The following MLLT3 variants were observed in gnomAD, a reference collection of about 807,000 sequenced individuals.
The protein encoded by MLLT3 is MLLT3 super elongation complex subunit.
In MLLT3, 4 loss-of-function variants were observed where a neutral mutation model predicts 53.2. That is an observed-to-expected ratio of 0.08 (90% CI 0.04 to 0.17). MLLT3 has a LOEUF of 0.17. Ranked by LOEUF, MLLT3 falls within the 10% of genes least tolerant of loss-of-function variation. MLLT3 has a pLI of 1.00. For missense variants in MLLT3, 569 were observed against 684.0 expected (o/e 0.83, Z 1.87); for synonymous variants, 283 against 230.6 (o/e 1.23, Z -2.06).
chr9:20,594,629 T>C (rs923389935), intron 2 of MLLT3, among the ~76,000 whole-genome samples: 4 of 152,040 alleles, frequency 2.6e-5, no homozygotes, highest in Non-Finnish European at 4.4e-5. Context: ...GCACAAGACA[T>C]AGGTCATAAA....
intron 2 of MLLT3, among the ~76,000 whole-genome samples, chr9:20,555,326 A>AT (rs199954637): frequency 0.011 from 1,692 of 151,272 alleles, 32 homozygotes; most frequent in African/African-American, 0.039. Flanking sequence ...ACTGAGTTCT[A>AT]TTTTTTTTTA....
At chr9:20,540,901 T>A (rs1349841643) in intron 2 of MLLT3, among the ~76,000 whole-genome samples, 1 of 152,252 alleles carries the variant, frequency 6.6e-6, no homozygotes, top group Non-Finnish European at 1.5e-5. Flanking sequence ...CTTTTAAACA[T>A]AAGTTCGAAT....
intron 2 of MLLT3, among the ~76,000 whole-genome samples, chr9:20,511,421 T>C (rs1825530462): frequency 1.3e-5 from 2 of 152,206 alleles, no homozygotes; most frequent in Admixed American, 6.5e-5. Flanking sequence ...ACCAAGAAAT[T>C]TTAAGTATAA....
At chr9:20,556,043 C>G (rs1273223089) in intron 2 of MLLT3, among the ~76,000 whole-genome samples, 3 of 151,788 alleles carry the variant, frequency 2.0e-5, no homozygotes, top group African/African-American at 7.3e-5. Context: ...CTGCATCTTA[C>G]ACAGAAAAGA....
At chr9:20,539,422 T>G (rs892975856) in intron 2 of MLLT3, among the ~76,000 whole-genome samples, 2 of 152,184 alleles carry the variant, frequency 1.3e-5, no homozygotes, top group Admixed American at 6.5e-5. Flanking sequence ...GAGGTTTAAT[T>G]GACTCACAGT....
chr9:20,372,216 G>C (rs1461897698), intron 5 of MLLT3, among the ~76,000 whole-genome samples: 4 of 152,148 alleles, frequency 2.6e-5, no homozygotes, highest in African/African-American at 7.2e-5. Context: ...GAACATTGTT[G>C]AAACGACAAT....
At chr9:20,363,756 G>T in intron 6 of MLLT3, 151 bp from the exon 7 acceptor site, 1 of 653,412 alleles carries the variant, frequency 1.5e-6, no homozygotes, top group Non-Finnish European at 2.2e-6. Flanking sequence ...ATTTGGTATA[G>T]TTTCTAAAAT....
intron 4 of MLLT3, among the ~76,000 whole-genome samples, chr9:20,440,434 T>C (rs1823517730): frequency 2.0e-5 from 3 of 152,108 alleles, no homozygotes; most frequent in Admixed American, 1.3e-4. Flanking sequence ...TTACAACTCA[T>C]GGAACAAGAA....
At chr9:20,392,532 T>C (rs550139844) in intron 5 of MLLT3, among the ~76,000 whole-genome samples, 63 of 152,274 alleles carry the variant, frequency 4.1e-4, no homozygotes, top group Middle Eastern at 3.4e-3. Context: ...ATCAAAATAA[T>C]TACTTAATTT....
rs72699995 is a variant in MLLT3 at position 20,410,059 on chromosome 9, A to G, written c.1125+3662T>C. Among the ~76,000 whole-genome samples the G allele has an allele frequency of 3.4e-3, 521 of 152,316 alleles. 2 individuals carry two copies. The highest frequency in any genetic ancestry group is 0.012 in the South Asian group (59 of 4,824). On this transcript the variant is annotated intron_variant, in intron 5 of 10. Coordinates refer to ENST00000380338, the MANE Select transcript of MLLT3 (RefSeq NM_004529.4). ...TTCAGCTTAAAACTTAAGACTTTTT[A>G]TCTTGTATTTTTACATTGATCATGT...
Position 20,621,729 on chromosome 9 carries a change from C to A in MLLT3, c.12+516G>T. The stretch of plus-strand genomic sequence containing the variant: ...TTGCGTGCGGCCCCGCCGCTGTCAG[C>A]CCCGCACACTTCGGCTCACACACGC... On this transcript the variant is annotated intron_variant, in intron 1 of 10. Transcript: ENST00000380338. This position sits in a 1 kb window ranked among gnomAD's most constrained non-coding sequence, Gnocchi z 7.0. The A allele has an allele frequency of 6.7e-7, 1 of 1,486,866 alleles. No individual in the cohort carries two copies. The highest frequency in any genetic ancestry group is 8.9e-7 in the Non-Finnish European group (1 of 1,123,092). 92.1% of individuals were successfully genotyped at this position (1,486,866 alleles called of 1,614,324 possible). A position where few individuals can be genotyped will look rare whatever the true frequency, so the allele number is the denominator to read the frequency against.
intron 2 of MLLT3, among the ~76,000 whole-genome samples, chr9:20,608,090 A>G (rs770090778): frequency 3.3e-5 from 5 of 151,840 alleles, no homozygotes; most frequent in South Asian, 2.1e-4. Flanking sequence ...TTTTTTCTCT[A>G]TGCCTTATGT....
chr9:20,408,849 A>G (rs1030324909), intron 5 of MLLT3, among the ~76,000 whole-genome samples: 4 of 152,192 alleles, frequency 2.6e-5, no homozygotes, highest in African/African-American at 9.7e-5. Flanking sequence ...GGAGGAAATG[A>G]GAAACAACAA....
intron 9 of MLLT3, 133 bp from the exon 10 acceptor site, chr9:20,353,729 T>G (rs1329142860): frequency 1.3e-6 from 1 of 742,086 alleles, no homozygotes; most frequent in South Asian, 1.6e-5. Flanking sequence ...GCCCAGGCTG[T>G]GTGCACTCAG....
intron 8 of MLLT3, among the ~76,000 whole-genome samples, chr9:20,357,167 CT>C (rs1403451627): frequency 1.3e-5 from 2 of 152,208 alleles, no homozygotes; most frequent in Non-Finnish European, 2.9e-5. Flanking sequence ...TTCAACATGC[CT>C]TGCAGGCTGA....
chr9:20,368,410 C>T (rs111410641), intron 5 of MLLT3, among the ~76,000 whole-genome samples: 6,112 of 152,222 alleles, frequency 0.04, 194 homozygotes, highest in Non-Finnish European at 0.058. Flanking sequence ...AAGGAGGTTT[C>T]CTTACAGTGA....
intron 4 of MLLT3, among the ~76,000 whole-genome samples, chr9:20,427,713 T>TA (rs1355168029): frequency 3.9e-5 from 6 of 151,914 alleles, no homozygotes; most frequent in Non-Finnish European, 7.4e-5. Context: ...GATCATGTAT[T>TA]AAAAAAAGAG....
intron 2 of MLLT3, among the ~76,000 whole-genome samples, chr9:20,536,835 G>C (rs889624832): frequency 6.6e-6 from 1 of 151,148 alleles, no homozygotes; most frequent in African/African-American, 2.4e-5. Flanking sequence ...CCTGCAGGTA[G>C]TAGCTGTTTA....
At chr9:20,356,378 T>C (rs1028978020) in intron 8 of MLLT3, among the ~76,000 whole-genome samples, 1 of 152,124 alleles carries the variant, frequency 6.6e-6, no homozygotes, top group African/African-American at 2.4e-5. Flanking sequence ...CATGCTCCAC[T>C]GTAAAGGAAA....
Sources: allele counts gnomAD v4.1 joint callset (sites outside exome capture counted in the v4.1 genomes callset), GRCh38; gene constraint gnomAD v4.1.1; non-coding constraint Gnocchi (gnomAD v3.1); transcripts MANE v1.5; gene names NCBI Gene and HGNC (gene_info 2026-07-23, HGNC 2026-07-21).